MRE11: variants seen among roughly 807,000 people sequenced by gnomAD.
MRE11 encodes the protein double-strand break repair protein MRE11.
MRE11 carries 62 observed loss-of-function variants against 91.7 expected under a neutral mutation model. The ratio of observed to expected loss-of-function variants is 0.68; its 90% CI spans 0.55 to 0.84. MRE11 has a LOEUF of 0.84. MRE11 is among the 40% of genes least tolerant of loss of function. The pLI is 0.00. For missense variants in MRE11, 796 were observed against 852.9 expected (o/e 0.93, Z 0.83); for synonymous variants, 273 against 271.4 (o/e 1.01, Z -0.06).
At chr11:94,489,404 T>C (rs1001408487) in intron 3 of MRE11, among the ~76,000 whole-genome samples, 6 of 152,128 alleles carry the variant, frequency 3.9e-5, no homozygotes, top group Non-Finnish European at 8.8e-5. Context: ...ACCTTGTAGT[T>C]TGAATTTTAT....
chr11:94,437,120 T>C (rs1945639264), intron 17 of MRE11, 57 bp downstream of exon 17: 6 of 1,438,462 alleles, frequency 4.2e-6, no homozygotes, highest in Non-Finnish European at 3.9e-6. Flanking sequence ...GAGTTGACAA[T>C]TCATAATGCA....
At chr11:94,447,112 C>T (rs961813982) in intron 15 of MRE11, 107 bp downstream of exon 15, 7 of 1,155,160 alleles carry the variant, frequency 6.1e-6, no homozygotes, top group East Asian at 2.3e-5. Flanking sequence ...TTTAAAGAAC[C>T]GTGTTTTAGA....
intron 2 of MRE11, among the ~76,000 whole-genome samples, chr11:94,491,946 A>G (rs1028229955): frequency 1.3e-5 from 2 of 152,302 alleles, no homozygotes; most frequent in African/African-American, 4.8e-5. Flanking sequence ...TTTATGAAGT[A>G]TTTTCTCATG....
At chr11:94,457,887 T>TCTCTCTCTCTCACA (rs372404360) in intron 13 of MRE11, among the ~76,000 whole-genome samples, 3 of 144,306 alleles carry the variant, frequency 2.1e-5, no homozygotes, top group African/African-American at 7.8e-5. Context: ...TCTCTCTCTC[T>TCTCTCTCTCTCACA]CACACACACA....
intron 9 of MRE11, 131 bp from the exon 10 acceptor site, chr11:94,468,024 C>G: frequency 2.8e-6 from 2 of 710,766 alleles, no homozygotes; most frequent in East Asian, 5.4e-5. Flanking sequence ...TTTATGACAC[C>G]TTTTCAAATA....
chr11:94,459,380 G>C, intron 13 of MRE11, 28 bp downstream of exon 13: 1 of 1,611,416 alleles, frequency 6.2e-7, no homozygotes. Context: ...TATTTAAATA[G>C]ACCTAGACAC....
chr11:94,470,718 T>C (rs1946686911), intron 8 of MRE11, 76 bp from the exon 9 acceptor site: 1 of 1,425,936 alleles, frequency 7.0e-7, no homozygotes, highest in Admixed American at 1.7e-5. Context: ...AGCTTTCATA[T>C]TTCTTAGTTT....
the MRE11 span, chr11:94,499,632 A>G: frequency 1.3e-5 from 2 of 152,292 alleles, no homozygotes; most frequent in South Asian, 2.1e-4. Context: ...GATCCAGAAC[A>G]TTATTCATCC....
chr11:94,426,354 T>C (rs1010372762), intron 19 of MRE11, among the ~76,000 whole-genome samples: 3 of 151,026 alleles, frequency 2.0e-5, no homozygotes, highest in Non-Finnish European at 4.4e-5. Flanking sequence ...TACAAAATCT[T>C]AGGGATGCAG....
upstream of MRE11, chr11:94,497,481 C>T (rs1343307050): frequency 6.8e-5 from 11 of 161,642 alleles, no homozygotes; most frequent in Non-Finnish European, 1.5e-4. Flanking sequence ...AAAAGGGTCT[C>T]GCATTTTAAA....
At chr11:94,425,843 T>G (rs1945300479) in intron 19 of MRE11, among the ~76,000 whole-genome samples, 1 of 152,128 alleles carries the variant, frequency 6.6e-6, no homozygotes, top group African/African-American at 2.4e-5. Flanking sequence ...CAAGTTCTGC[T>G]TAACCTAAAA....
In MRE11 at chr11:94,444,758, A is replaced by T. The variant is rs575634741; in HGVS notation, c.1867+1052T>A. Among the ~76,000 whole-genome samples, 3 of 152,266 alleles carry T rather than the reference A, an allele frequency of 2.0e-5. No homozygotes were observed. In the East Asian group the frequency reaches 5.8e-4, roughly 29 times the overall value. On this transcript the variant is annotated intron_variant, in intron 16 of 19. Coordinates refer to ENST00000323929, the MANE Select transcript of MRE11 (RefSeq NM_005591.4). ...TACCCTTGATAAACTTCATCTTCTG[A>T]GAATTAGTTCAGCTCCCCAGTGTGT...
chr11:94,492,733 A>G, intron 2 of MRE11, 49 bp downstream of exon 2: 1 of 1,611,220 alleles, frequency 6.2e-7, no homozygotes. Context: ...ACAGTTGACG[A>G]GCTTTAGAAA....
the MRE11 span, among the ~76,000 whole-genome samples, chr11:94,506,521 T>C: frequency 6.6e-6 from 1 of 150,574 alleles, no homozygotes; most frequent in South Asian, 2.1e-4. Context: ...ATATAGTTAT[T>C]AAAATTGATA....
At chr11:94,496,684 G>C (rs751524945), upstream of MRE11, 18 of 1,567,712 alleles carry the variant, frequency 1.1e-5, no homozygotes, top group South Asian at 1.8e-4. Flanking sequence ...ATTTAGAATA[G>C]TAGTAAAAAA....
At position 94,476,302 on chromosome 11, in the gene MRE11, T is replaced by C; in HGVS notation, c.646A>G (p.Ile216Val). 6.2e-7 allele frequency: 1 copy of C among 1,611,240 alleles called. No individual in the cohort carries two copies. The highest frequency in any genetic ancestry group is 1.1e-5 in the South Asian group (1 of 91,014). ...GAAAAGTTTTACCTGTTCTGATGAA[T>C]CACAAATAAGTTAAACCAAGAGTTC... ...DENSWFNLFVIHQNRSKHGST... is the reference protein window; with the variant it reads ...DENSWFNLFVVHQNRSKHGST... The change falls in exon 7 of 20, where the codon ATT becomes GTT. Residue 216 changes from isoleucine (I) to valine (V), a missense_variant. Ile to Val is a conservative substitution (Grantham distance 29, BLOSUM62 3). Coordinates refer to ENST00000323929, the MANE Select transcript of MRE11 (RefSeq NM_005591.4).
At chr11:94,510,213 G>A in the MRE11 span, among the ~76,000 whole-genome samples, 1 of 151,826 alleles carries the variant, frequency 6.6e-6, no homozygotes, top group Non-Finnish European at 1.5e-5. Flanking sequence ...ATTTCTTCTT[G>A]TGTCTATTTT....
At position 94,493,843 on chromosome 11, in the gene MRE11, C is replaced by T. The variant is rs979803231; in HGVS notation, c.-158G>A. The T allele has an allele frequency of 2.6e-5, 4 of 152,244 alleles. No individual in the cohort carries two copies. Among genetic ancestry groups the T allele is most frequent in the Non-Finnish European group, 4.4e-5 (3 of 68,070 alleles). The allele number at this position is 152,244 out of a possible 1,614,324, so 9.4% of individuals were successfully genotyped here. On this transcript the variant is annotated 5_prime_UTR_variant, in exon 1 of 20. Transcript: ENST00000323929. ...TGAATTCCGCGGGAGAGAACGGCGT[C>T]CGTTTCTCTCGCGACACTTCATGGA...
rs752065102 is a variant in MRE11, at chr11:94,471,699, A to T, written c.720T>A (p.Leu240=). 6.2e-7 allele frequency: 1 copy of T among 1,612,598 alleles called. No homozygotes were observed. Among genetic ancestry groups the T allele is most frequent in the East Asian group, 2.2e-5 (1 of 44,814 alleles). The change falls in exon 8 of 20, where the codon CTT becomes CTA. Residue 240 remains leucine, a synonymous_variant. Coordinates refer to ENST00000323929, the MANE Select transcript of MRE11 (RefSeq NM_005591.4). ...PEQFLDDFID[L]VIWGHEHECK... ...ACTCATGTTCATGGCCCCAGATAACAAGATCAATGAAGTCATCCAAAAATT... is the reference window on the plus strand; with the variant it reads ...ACTCATGTTCATGGCCCCAGATAACTAGATCAATGAAGTCATCCAAAAATT...
Sources: allele counts gnomAD v4.1 joint callset (sites outside exome capture counted in the v4.1 genomes callset), GRCh38; gene constraint gnomAD v4.1.1; transcripts MANE v1.5; gene names NCBI Gene and HGNC (gene_info 2026-07-23, HGNC 2026-07-21).